The following NAA15 variants were observed in gnomAD, a reference collection of about 807,000 sequenced individuals.
The protein encoded by NAA15 is N-alpha-acetyltransferase 15, NatA auxiliary subunit, also known as N-terminal acetyltransferase.
A neutral mutation model predicts 114.0 loss-of-function variants in NAA15; 34 were observed. The observed-to-expected ratio is 0.30, with a 90% CI of 0.23 to 0.40. The LOEUF (loss-of-function observed/expected upper bound fraction) is 0.40, where lower values mean the gene tolerates loss of function less well. NAA15 is among the 10% of genes least tolerant of loss of function. The pLI is 1.00. For missense variants in NAA15, 658 were observed against 1,004.5 expected, an observed-to-expected ratio of 0.66 and a Z score of 4.66; for synonymous variants, 340 against 338.0, an observed-to-expected ratio of 1.01 and a Z score of -0.06.
At position 139,326,974 on chromosome 4, in the gene NAA15, T is replaced by A. The variant is rs1347396370; in HGVS notation, c.55-7200T>A. ...TTTGAAACAGAGTCTCTCTGTGTCT[T>A]GCCCAGGCTGGGGTGCAGTGGTGTG... On this transcript the variant is annotated intron_variant, in intron 1 of 19. Coordinates refer to ENST00000296543, the MANE Select transcript of NAA15 (RefSeq NM_057175.5). Among the ~76,000 whole-genome samples, 3 of 152,302 alleles carry A rather than the reference T, an allele frequency of 2.0e-5. No individual in the cohort carries two copies. The East Asian group carries it at 5.8e-4, about 29-fold the overall frequency.
chr4:139,313,991 A>G (rs1004436396), intron 1 of NAA15, among the ~76,000 whole-genome samples: 30 of 151,948 alleles, frequency 2.0e-4, no homozygotes, highest in Admixed American at 1.6e-3. Flanking sequence ...AAAAAACATT[A>G]TTAGTGACAG....
At chr4:139,337,530 A>C (rs971821831) in intron 3 of NAA15, among the ~76,000 whole-genome samples, 1 of 152,232 alleles carries the variant, frequency 6.6e-6, no homozygotes, top group Non-Finnish European at 1.5e-5. Flanking sequence ...GATATATAAC[A>C]TAGCCCCTGA....
intron 1 of NAA15, among the ~76,000 whole-genome samples, chr4:139,325,594 T>TA (rs1746773684): frequency 6.6e-6 from 1 of 152,218 alleles, no homozygotes; most frequent in Non-Finnish European, 1.5e-5. Context: ...CTGAATATTT[T>TA]AAAAATCAGC....
At chr4:139,376,340 G>C (rs369539549) in intron 15 of NAA15, 25 bp from the exon 16 acceptor site, 1 of 1,381,064 alleles carries the variant, frequency 7.2e-7, no homozygotes, top group Admixed American at 1.8e-5. Context: ...AGTTTCATTT[G>C]TATAATATCT....
At chr4:139,361,169 T>C (rs1748120884) in intron 13 of NAA15, among the ~76,000 whole-genome samples, 1 of 152,198 alleles carries the variant, frequency 6.6e-6, no homozygotes, top group Non-Finnish European at 1.5e-5. Flanking sequence ...TATAACTAAT[T>C]TCACATTTGC....
intron 4 of NAA15, among the ~76,000 whole-genome samples, chr4:139,342,481 T>TTG (rs1215403535): frequency 6.8e-6 from 1 of 147,898 alleles, no homozygotes; most frequent in Non-Finnish European, 1.5e-5. Context: ...TAATGTGTGT[T>TTG]TTTTTTTTTT....
At position 139,316,884 on chromosome 4, in the gene NAA15, T is replaced by C. The variant is rs1470458297; in HGVS notation, c.54+15053T>C. 2.7e-4 allele frequency among the ~76,000 whole-genome samples: 39 copies of C among 146,376 alleles called. No homozygotes were observed. The Admixed American group carries it at 2.7e-3, about 10-fold the overall frequency. On this transcript the variant is annotated intron_variant, in intron 1 of 19. Transcript: ENST00000296543. ...AGTTCTGTCTTGTTTTAGTAGGCCA[T>C]CTATGCTCTGGTCACTTCCTTTTTT...
intron 15 of NAA15, among the ~76,000 whole-genome samples, chr4:139,375,364 A>C (rs1422119962): frequency 6.6e-6 from 1 of 152,178 alleles, no homozygotes; most frequent in Non-Finnish European, 1.5e-5. Flanking sequence ...TGGGCTTTTA[A>C]TGGGTTATTT....
At chr4:139,360,778 A>C in intron 13 of NAA15, 150 bp downstream of exon 13, 1 of 634,062 alleles carries the variant, frequency 1.6e-6, no homozygotes, top group Non-Finnish European at 2.4e-6. Flanking sequence ...CATACTGGAA[A>C]TATAGACTGC....
At chr4:139,375,927 T>C (rs147870797) in intron 15 of NAA15, among the ~76,000 whole-genome samples, 1 of 152,322 alleles carries the variant, frequency 6.6e-6, no homozygotes, top group African/African-American at 2.4e-5. Context: ...CAAGACAGAA[T>C]GGATAGTGTA....
intron 6 of NAA15, 127 bp downstream of exon 6, chr4:139,344,466 CGT>C (rs1359573494): frequency 2.8e-6 from 2 of 707,534 alleles, no homozygotes; most frequent in African/African-American, 3.6e-5. Flanking sequence ...ATTTCTTACT[CGT>C]GTACTTTTAA....
At chr4:139,349,296 A>C (rs1281537863) in intron 6 of NAA15, among the ~76,000 whole-genome samples, 166 bp from the exon 7 acceptor site, 1 of 152,244 alleles carries the variant, frequency 6.6e-6, no homozygotes, top group Non-Finnish European at 1.5e-5. Context: ...GAAGGAGACC[A>C]TAACATAACT....
chr4:139,303,078 G>GA (rs1201725305), intron 1 of NAA15, among the ~76,000 whole-genome samples: 1 of 152,150 alleles, frequency 6.6e-6, no homozygotes, highest in African/African-American at 2.4e-5. Context: ...TCATCCATTT[G>GA]AACTAACTTT....
chr4:139,325,675 G>A (rs1746775958), intron 1 of NAA15, among the ~76,000 whole-genome samples: 1 of 152,204 alleles, frequency 6.6e-6, no homozygotes, highest in African/African-American at 2.4e-5. Context: ...AAGAGACAGT[G>A]TTTTGTTCTG....
Position 139,336,951 on chromosome 4 carries a change from G to T in NAA15, c.243G>T (p.Val81=). The T allele has an allele frequency of 6.4e-7, 1 of 1,565,266 alleles. No homozygotes were observed. The highest frequency in any genetic ancestry group is 8.7e-7 in the Non-Finnish European group (1 of 1,155,434). ...RGLRNDLKSH[V]CWHVYGLLQR... ...TGAGAAATGACTTGAAGAGTCATGT[G>T]TGTATCCTTTTTGAGATATATTTAA... is the stretch of plus-strand genomic sequence containing the variant. The change falls in exon 3 of 20, where the codon GTG becomes GTT. Residue 81 remains valine (V), a splice_region_variant and synonymous_variant. Transcript: ENST00000296543.
At chr4:139,325,986 A>T (rs1409142401) in intron 1 of NAA15, among the ~76,000 whole-genome samples, 2 of 152,230 alleles carry the variant, frequency 1.3e-5, no homozygotes, top group Non-Finnish European at 2.9e-5. Flanking sequence ...AGTATTGTAG[A>T]ATAGTAAACT....
chr4:139,349,364 A>G (rs901004739), intron 6 of NAA15, 98 bp from the exon 7 acceptor site: 17 of 1,135,740 alleles, frequency 1.5e-5, no homozygotes, highest in African/African-American at 1.4e-4. Context: ...GCACTGATTT[A>G]TAATGAGATT....
intron 1 of NAA15, among the ~76,000 whole-genome samples, chr4:139,331,980 A>G (rs191189402): frequency 6.6e-6 from 1 of 152,116 alleles, no homozygotes; most frequent in Admixed American, 6.5e-5. Context: ...TCATGAGCTT[A>G]TGATTAACAT....
At chr4:139,378,711 C>A in intron 16 of NAA15, 45 bp from the exon 17 acceptor site, 1 of 1,290,554 alleles carries the variant, frequency 7.7e-7, no homozygotes, top group East Asian at 2.6e-5. Context: ...CAAAGGAGGC[C>A]TCTTATCCAA....
Sources: gnomAD v4.1 joint callset for allele counts (sites outside exome capture counted in the v4.1 genomes callset) on GRCh38, gnomAD v4.1.1 for gene constraint, MANE v1.5 for transcripts, NCBI Gene and HGNC (gene_info 2026-07-23, HGNC 2026-07-21) for gene names.